Variants in DOCK10 observed in about 807,000 individuals in gnomAD.
The protein encoded by DOCK10 is dedicator of cytokinesis 10.
DOCK10 carries 145 observed loss-of-function variants against 280.1 expected under a neutral mutation model. The observed-to-expected ratio is 0.52, with a 90% confidence interval of 0.45 to 0.59. DOCK10 has a LOEUF of 0.59. Ranked by LOEUF, DOCK10 falls within the 20% of genes least tolerant of loss-of-function variation. The probability of loss-of-function intolerance (pLI) is 0.00; values close to 1 mark genes in which losing one functional copy is unlikely to be tolerated. For missense variants in DOCK10, 2,368 were observed against 2,651.7 expected (o/e 0.89, Z 2.35); for synonymous variants, 915 against 942.2 (o/e 0.97, Z 0.53).
At chr2:224,829,530 G>C (rs1175720421) in intron 27 of DOCK10, among the ~76,000 whole-genome samples, 1 of 152,218 alleles carries the variant, frequency 6.6e-6, no homozygotes, top group African/African-American at 2.4e-5. Context: ...GGCAATGCCA[G>C]AGGTCTTCCC....
At position 224,874,272 on chromosome 2, in the gene DOCK10, G is replaced by T; in HGVS notation, c.1095C>A (p.Asp365Glu). The change falls in exon 10 of 56, where the codon GAC (aspartate) becomes GAA (glutamate). Residue 365 changes from aspartate (D) to glutamate (E), a missense_variant. By Grantham distance (45) the Asp-to-Glu change is conservative. Around this residue, in one of 2 missense-constraint regions of DOCK10, gnomAD observed 1,209 missense variants for 1,250.9 expected, o/e 0.97. Coordinates refer to ENST00000258390, the MANE Select transcript of DOCK10 (RefSeq NM_014689.3). ...ERLNLFSLDP[D>E]IDTLKLQKKD... ...AGAAAAAATTTTGACTTACATCTAT[G>T]TCTGGATCTAGAGAGAACAGATTTA... is the stretch of plus-strand genomic sequence containing the variant. 1 of 1,612,934 alleles carries T rather than the reference G, an allele frequency of 6.2e-7. No homozygotes were observed. Among genetic ancestry groups the T allele is most frequent in the Non-Finnish European group, 8.5e-7 (1 of 1,179,346 alleles).
At position 224,856,860 on chromosome 2, in the gene DOCK10, C is replaced by T. The variant is rs1034669112; in HGVS notation, c.1808G>A (p.Arg603Lys). The change falls in exon 15 of 56, where the codon AGG (arginine) becomes AAG (lysine). Residue 603 changes from arginine to lysine, a missense_variant and splice_region_variant. Coordinates refer to ENST00000258390, the MANE Select transcript of DOCK10 (RefSeq NM_014689.3). ...TTTCGAGAGTATAAAAAAAACATACCTTCTATAATCTGATACTAGTTTAAC... is the reference window on the plus strand; with the variant it reads ...TTTCGAGAGTATAAAAAAAACATACTTTCTATAATCTGATACTAGTTTAAC... ...DLVKLVSDYRRADRISKMQTI... is the reference protein window; with the variant it reads ...DLVKLVSDYRKADRISKMQTI... 1 of 1,597,202 alleles carries T rather than the reference C, an allele frequency of 6.3e-7. No homozygotes were observed. Among genetic ancestry groups the T allele is most frequent in the Non-Finnish European group, 8.5e-7 (1 of 1,172,282 alleles).
chr2:224,833,793 T>A (rs937619976), intron 26 of DOCK10, among the ~76,000 whole-genome samples: 1 of 151,968 alleles, frequency 6.6e-6, no homozygotes, highest in African/African-American at 2.4e-5. Flanking sequence ...ATTACAGGCA[T>A]CTGTCACCAC....
At chr2:224,819,952 C>T (rs1009066732) in intron 28 of DOCK10, among the ~76,000 whole-genome samples, 2 of 152,120 alleles carry the variant, frequency 1.3e-5, no homozygotes, top group Non-Finnish European at 2.9e-5. Context: ...CTTTAGCTTT[C>T]GGTTGTCTAC....
At chr2:224,911,608 A>G (rs1352454802) in intron 3 of DOCK10, among the ~76,000 whole-genome samples, 1 of 152,200 alleles carries the variant, frequency 6.6e-6, no homozygotes, top group East Asian at 1.9e-4. Context: ...CCTGGCAATA[A>G]AATGAGGCAG....
rs369347009 is a variant in DOCK10, at chr2:225,023,460, T to G, written c.123+18792A>C. Among the ~76,000 whole-genome samples, 239 of 152,316 alleles carry G rather than the reference T, an allele frequency of 1.6e-3. 1 individual carries two copies. Among genetic ancestry groups the G allele is most frequent in the African/African-American group, 5.5e-3 (229 of 41,558 alleles). The stretch of plus-strand genomic sequence containing the variant: ...AGTGGCCAATAAACATATAAAACGA[T>G]GCTCTACTTTCTTTGCTTATAGGGA... On this transcript the variant is annotated intron_variant, in intron 1 of 55. Coordinates refer to ENST00000258390, the MANE Select transcript of DOCK10 (RefSeq NM_014689.3).
chr2:224,921,681 G>A (rs1701760104), intron 2 of DOCK10, among the ~76,000 whole-genome samples: 1 of 152,162 alleles, frequency 6.6e-6, no homozygotes, highest in Non-Finnish European at 1.5e-5. Context: ...TGCAGTTATT[G>A]CATATCTAAT....
intron 55 of DOCK10, among the ~76,000 whole-genome samples, chr2:224,768,236 C>T (rs1690187002): frequency 6.6e-6 from 1 of 152,116 alleles, no homozygotes; most frequent in South Asian, 2.1e-4. Flanking sequence ...TTTAAGTGTT[C>T]AATAGAATTT....
intron 4 of DOCK10, among the ~76,000 whole-genome samples, chr2:224,895,370 CT>C (rs1699920334): frequency 6.6e-6 from 1 of 152,166 alleles, no homozygotes; most frequent in Non-Finnish European, 1.5e-5. Flanking sequence ...TTAATACAAA[CT>C]TAACTTTTGA....
At chr2:224,814,585 A>C (rs1347519050) in intron 30 of DOCK10, among the ~76,000 whole-genome samples, 1 of 152,142 alleles carries the variant, frequency 6.6e-6, no homozygotes, top group Non-Finnish European at 1.5e-5. Flanking sequence ...GCAGTAGCAC[A>C]ATCTTGGCTG....
chr2:224,881,143 G>C (rs1056025053), intron 7 of DOCK10, among the ~76,000 whole-genome samples: 2 of 152,150 alleles, frequency 1.3e-5, no homozygotes, highest in African/African-American at 4.8e-5. Context: ...TAATAGGTGT[G>C]TAATATGATA....
chr2:224,820,538 G>A (rs781106511), intron 28 of DOCK10, among the ~76,000 whole-genome samples: 1 of 152,260 alleles, frequency 6.6e-6, no homozygotes, highest in African/African-American at 2.4e-5. Flanking sequence ...CTGGTGTGGA[G>A]TGCTTCTTTC....
chr2:224,928,593 A>T (rs528611047), intron 2 of DOCK10, among the ~76,000 whole-genome samples: 6 of 152,330 alleles, frequency 3.9e-5, no homozygotes, highest in Admixed American at 3.3e-4. Context: ...AACAATCTCC[A>T]CTATTATTCA....
chr2:224,961,004 C>T (rs1161512157), intron 1 of DOCK10, among the ~76,000 whole-genome samples: 1 of 152,142 alleles, frequency 6.6e-6, no homozygotes, highest in Non-Finnish European at 1.5e-5. Context: ...TCCCAAAGTG[C>T]TGGGATTACA....
chr2:224,796,586 G>A (rs1692592381), intron 43 of DOCK10, among the ~76,000 whole-genome samples, 160 bp from the exon 44 acceptor site: 1 of 152,138 alleles, frequency 6.6e-6, no homozygotes. Context: ...TAAATCTAGG[G>A]TGTTTCCTAT....
intron 3 of DOCK10, among the ~76,000 whole-genome samples, chr2:224,908,035 A>ATCCAT (rs1700764348): frequency 6.6e-6 from 1 of 152,048 alleles, no homozygotes; most frequent in South Asian, 2.1e-4. Context: ...CTAATTAAAG[A>ATCCAT]CTCTGAATGT....
Position 224,800,306 on chromosome 2 carries a change from T to C in DOCK10, c.4394-43A>G, listed in dbSNP as rs146463726. 1,823 of 1,206,032 alleles carry C rather than the reference T, an allele frequency of 1.5e-3. 5 individuals carry two copies. The highest frequency in any genetic ancestry group is 0.013 in the Middle Eastern group (66 of 5,198). The allele number at this position is 1,206,032 out of a possible 1,614,324, so 74.7% of individuals were successfully genotyped here. On this transcript the variant is annotated intron_variant, in intron 40 of 55. Transcript: ENST00000258390. ...AAACATGCGTAAAAGTCTAAGACAA[T>C]GCTTTGTACCCTATAAAGGATTTCC...
At chr2:225,028,331 G>A (rs902988043) in intron 1 of DOCK10, among the ~76,000 whole-genome samples, 5 of 152,262 alleles carry the variant, frequency 3.3e-5, no homozygotes, top group Admixed American at 6.5e-5. Context: ...GCCTCTAGAA[G>A]CTGGCAATAG....
Position 224,807,652 on chromosome 2 carries a change from T to C in DOCK10, c.3702+16A>G. ...TCTTTATTAACATAGAAATGTGACA[T>C]ATTGTGCAAACGTACCTGATTAGAT... On this transcript the variant is annotated intron_variant, in intron 33 of 55. Coordinates refer to ENST00000258390, the MANE Select transcript of DOCK10 (RefSeq NM_014689.3). 1.4e-6 allele frequency: 2 copies of C among 1,433,108 alleles called. No homozygotes were observed. Among genetic ancestry groups the C allele is most frequent in the Non-Finnish European group, 1.9e-6 (2 of 1,050,760 alleles). The allele number at this position is 1,433,108 out of a possible 1,614,324, so 88.8% of individuals were successfully genotyped here.
Sources: gnomAD v4.1 joint callset for allele counts (sites outside exome capture counted in the v4.1 genomes callset) on GRCh38, gnomAD v4.1.1 for gene constraint, gnomAD v4.1.1 regional missense constraint, MANE v1.5 for transcripts, NCBI Gene and HGNC (gene_info 2026-07-23, HGNC 2026-07-21) for gene names.